ZCCHC14: variants seen among roughly 807,000 people sequenced by gnomAD.
ZCCHC14 encodes zinc finger CCHC-type containing 14.
ZCCHC14 carries 16 observed loss-of-function variants against 85.0 expected under a neutral mutation model. The ratio of observed to expected loss-of-function variants is 0.19; its 90% CI spans 0.13 to 0.29. ZCCHC14 has a LOEUF of 0.29. ZCCHC14 is among the 10% of genes least tolerant of loss of function. The probability of loss-of-function intolerance (pLI) is 1.00; values close to 1 mark genes in which losing one functional copy is unlikely to be tolerated. For synonymous variants in ZCCHC14, 775 were observed against 630.7 expected (o/e 1.23, Z -3.43); for missense variants, 1,303 against 1,443.5 (o/e 0.90, Z 1.58).
At chr16:87,415,040 C>A in intron 9 of ZCCHC14, among the ~76,000 whole-genome samples, 1 of 152,316 alleles carries the variant, frequency 6.6e-6, no homozygotes, top group South Asian at 2.1e-4. Flanking sequence ...CGAGATTGCA[C>A]CACTGCACTC....
chr16:87,409,929 G>A lies in ZCCHC14; in HGVS notation c.*351C>T, dbSNP rs936628811. On this transcript the variant is annotated 3_prime_UTR_variant, in exon 13 of 13. Transcript: ENST00000671377. ...AACTCCAAGCTCGGTTCTCGATTCA[G>A]ACCACGTGTAGCTGCCCTGGAATTG... 1 of 188,282 alleles carries A rather than the reference G, an allele frequency of 5.3e-6. No homozygotes were observed. Among genetic ancestry groups the A allele is most frequent in the Admixed American group, 6.2e-5 (1 of 16,232 alleles). The allele number at this position is 188,282 out of a possible 1,614,324, so 11.7% of individuals were successfully genotyped here.
At chr16:87,462,688 C>T (rs557189613) in intron 1 of ZCCHC14, among the ~76,000 whole-genome samples, 7 of 151,414 alleles carry the variant, frequency 4.6e-5, no homozygotes, top group East Asian at 1.9e-4. Context: ...TGCAGTGAGC[C>T]GAGATCGCGC....
chr16:87,490,822 T>C (rs1009659935), intron 1 of ZCCHC14, among the ~76,000 whole-genome samples: 7 of 152,228 alleles, frequency 4.6e-5, no homozygotes, highest in Non-Finnish European at 1.0e-4. Flanking sequence ...TGTGCACATA[T>C]ACATGCCCAC....
Position 87,412,324 on chromosome 16 carries a change from T to G in ZCCHC14, c.2397A>C (p.Gln799His). The G allele has an allele frequency of 1.2e-6, 2 of 1,614,046 alleles. No individual in the cohort carries two copies. Among genetic ancestry groups the G allele is most frequent in the Non-Finnish European group, 8.5e-7 (1 of 1,180,042 alleles). ...SGQTSCPNNV[Q>H]ISVPPAIINP... is the part of the protein sequence containing the mutation. ...TTATTATTGCAGGGGGCACACTTATTTGCACATTATTAGGACAGGAAGTTT... is the reference window on the plus strand; with the variant it reads ...TTATTATTGCAGGGGGCACACTTATGTGCACATTATTAGGACAGGAAGTTT... The change falls in exon 12 of 13, where the codon CAA (glutamine) becomes CAC (histidine). Residue 799 changes from glutamine (Q) to histidine (H), a missense_variant. Gln to His is a conservative substitution (Grantham distance 24). Transcript: ENST00000671377.
At chr16:87,433,729 C>T (rs953508564) in intron 2 of ZCCHC14, among the ~76,000 whole-genome samples, 3 of 151,968 alleles carry the variant, frequency 2.0e-5, no homozygotes, top group Non-Finnish European at 2.9e-5. Context: ...GCAACCTCTG[C>T]CTCCTGGGTT....
chr16:87,475,666 A>T (rs907507269), intron 1 of ZCCHC14, among the ~76,000 whole-genome samples: 1 of 152,130 alleles, frequency 6.6e-6, no homozygotes, highest in Non-Finnish European at 1.5e-5. Context: ...CAGAAGACTC[A>T]GTGAATCTGA....
chr16:87,424,643 A>G, intron 3 of ZCCHC14, among the ~76,000 whole-genome samples: 1 of 152,124 alleles, frequency 6.6e-6, no homozygotes, highest in East Asian at 1.9e-4. Flanking sequence ...CCTGGCTATC[A>G]CAATGCTCGT....
chr16:87,410,615 G>A (rs534981454), intron 12 of ZCCHC14, among the ~76,000 whole-genome samples: 2 of 152,326 alleles, frequency 1.3e-5, no homozygotes, highest in South Asian at 4.1e-4. Context: ...CGTCAGGCGG[G>A]CTGCTCTAAC....
chr16:87,446,685 C>T (rs565711142), intron 2 of ZCCHC14, among the ~76,000 whole-genome samples: 1 of 152,066 alleles, frequency 6.6e-6, no homozygotes, highest in African/African-American at 2.4e-5. Flanking sequence ...CTGAGGTCAG[C>T]AAACTGACTT....
chr16:87,483,304 C>CAAAAAAA (rs56708958), intron 1 of ZCCHC14, among the ~76,000 whole-genome samples: 3 of 43,666 alleles, frequency 6.9e-5, no homozygotes, highest in African/African-American at 2.6e-4. Context: ...CTAAAAATAC[C>CAAAAAAA]AAAAAAAAAA....
At chr16:87,451,645 G>T (rs974789292) in intron 2 of ZCCHC14, among the ~76,000 whole-genome samples, 6 of 152,234 alleles carry the variant, frequency 3.9e-5, no homozygotes, top group Non-Finnish European at 7.3e-5. Flanking sequence ...AAAATGAAAA[G>T]GTTCAAAGAA....
At chr16:87,458,394 A>C (rs554802710) in intron 2 of ZCCHC14, among the ~76,000 whole-genome samples, 19 of 152,326 alleles carry the variant, frequency 1.2e-4, no homozygotes, top group Non-Finnish European at 2.6e-4. Flanking sequence ...GAAGACGCTC[A>C]ACCAAGAGCC....
chr16:87,436,477 CG>C (rs1393384259), intron 2 of ZCCHC14, among the ~76,000 whole-genome samples: 2 of 152,150 alleles, frequency 1.3e-5, no homozygotes, highest in Non-Finnish European at 2.9e-5. Flanking sequence ...CGGGCTAGTG[CG>C]GGGGCTGGGT....
At position 87,433,142 on chromosome 16, in the gene ZCCHC14, C is replaced by G; in HGVS notation, c.754G>C (p.Glu252Gln). The G allele has an allele frequency of 6.2e-7, 1 of 1,614,200 alleles. No individual in the cohort carries two copies. The highest frequency in any genetic ancestry group is 8.5e-7 in the Non-Finnish European group (1 of 1,180,030). The stretch of plus-strand genomic sequence containing the variant: ...TAGCATCTTACCTCAAAGGAACATT[C>G]AACATTTCTGTCATTTTTTGTGTGT... The part of the protein sequence containing the change: ...LSHTKNDRNV[E>Q]CSFEVLWSDS... The change falls in exon 3 of 13, where the codon GAA becomes CAA. Residue 252 changes from glutamate (E) to glutamine (Q), a missense_variant. Transcript: ENST00000671377.
At chr16:87,414,574 C>T (rs1597398962) in intron 9 of ZCCHC14, 33 bp from the exon 10 acceptor site, 1 of 1,592,170 alleles carries the variant, frequency 6.3e-7, no homozygotes, top group Non-Finnish European at 8.6e-7. Context: ...AACAAGTGAG[C>T]ACTGCCTACT....
At chr16:87,473,916 A>G (rs1466241245) in intron 1 of ZCCHC14, 2 of 151,696 alleles carry the variant, frequency 1.3e-5, no homozygotes, top group African/African-American at 2.4e-5. Context: ...GGCACCACAA[A>G]CTCTATTCCA....
intron 2 of ZCCHC14, among the ~76,000 whole-genome samples, chr16:87,455,627 G>C (rs999221895): frequency 2.6e-5 from 4 of 152,176 alleles, no homozygotes; most frequent in Non-Finnish European, 4.4e-5. Context: ...TGTGCCCTGG[G>C]GTTCAAATCA....
chr16:87,492,907 C>G lies in ZCCHC14; in HGVS notation c.-669G>C, dbSNP rs1912841679. On this transcript the variant is annotated 5_prime_UTR_variant, in exon 1 of 13. Transcript: ENST00000671377. This position sits in a 1 kb window ranked among gnomAD's most constrained non-coding sequence, Gnocchi z 6.7. ...CGCGGCGGACGGATCCGGGCCCGAG[C>G]GCGGCGGCGGCGGCGACGGCGACGG... Among the ~76,000 whole-genome samples, 1 of 147,986 alleles carries G rather than the reference C, an allele frequency of 6.8e-6. No individual in the cohort carries two copies. The highest frequency in any genetic ancestry group is 2.1e-4 in the South Asian group (1 of 4,788).
intron 2 of ZCCHC14, among the ~76,000 whole-genome samples, chr16:87,455,125 C>A (rs527316835): frequency 6.6e-6 from 1 of 152,314 alleles, no homozygotes; most frequent in South Asian, 2.1e-4. Flanking sequence ...CCCATCTCTA[C>A]TAAAAATACA....
Sources: allele counts gnomAD v4.1 joint callset (sites outside exome capture counted in the v4.1 genomes callset), GRCh38; gene constraint gnomAD v4.1.1; non-coding constraint Gnocchi (gnomAD v3.1); transcripts MANE v1.5; gene names NCBI Gene and HGNC (gene_info 2026-07-23, HGNC 2026-07-21).